The following N4BP2 variants were observed in gnomAD, a reference collection of about 807,000 sequenced individuals.
The protein encoded by N4BP2 is NEDD4-binding protein 2.
Under a neutral mutation model 152.8 loss-of-function variants are expected in N4BP2, and 91 were observed. The observed-to-expected ratio is 0.60, with a 90% CI of 0.50 to 0.71. The LOEUF (loss-of-function observed/expected upper bound fraction) is 0.71, where lower values mean the gene tolerates loss of function less well. Among genes scored for constraint, N4BP2 ranks in the 30% least tolerant of loss-of-function variants. N4BP2 has a pLI of 0.00. For synonymous variants in N4BP2, 646 were observed against 705.3 expected, an observed-to-expected ratio of 0.92 and a Z score of 1.33; for missense variants, 1,923 against 2,059.1, an observed-to-expected ratio of 0.93 and a Z score of 1.28.
In N4BP2 at chr4:40,154,211, G is replaced by A. The variant is rs765372011; in HGVS notation, c.5287G>A (p.Gly1763Arg). The change falls in exon 18 of 18, where the codon GGG (glycine) becomes AGG (arginine). Residue 1763 changes from glycine (G) to arginine (R), a missense_variant. Gly to Arg is a moderately radical substitution (Grantham distance 125, BLOSUM62 -2). Coordinates refer to ENST00000261435, the MANE Select transcript of N4BP2 (RefSeq NM_018177.6). ...HSFRFSEIKPGCLKVMLK is the reference protein window; with the variant it reads ...HSFRFSEIKPRCLKVMLK ...CTGCAGGTTCTCTGAAATTAAACCAGGGTGCTTGAAAGTCATGCTAAAGTA... is the reference window on the plus strand; with the variant it reads ...CTGCAGGTTCTCTGAAATTAAACCAAGGTGCTTGAAAGTCATGCTAAAGTA... The A allele has an allele frequency of 4.4e-6, 7 of 1,602,134 alleles. No individual in the cohort carries two copies. The highest frequency in any genetic ancestry group is 6.0e-6 in the Non-Finnish European group (7 of 1,175,250).
intron 4 of N4BP2, among the ~76,000 whole-genome samples, chr4:40,104,936 C>T (rs112837896): frequency 0.019 from 2,823 of 151,680 alleles, 35 homozygotes; most frequent in Non-Finnish European, 0.028. Flanking sequence ...TCCGGAGTAG[C>T]GGGACTACAG....
At chr4:40,167,120 T>G in the N4BP2 span, 1 of 152,214 alleles carries the variant, frequency 6.6e-6, no homozygotes, top group Non-Finnish European at 1.5e-5. Flanking sequence ...ATTGACCTGG[T>G]GTTTGTGGTG....
chr4:40,079,641 A>G (rs1373123844), intron 2 of N4BP2, among the ~76,000 whole-genome samples: 2 of 152,182 alleles, frequency 1.3e-5, no homozygotes, highest in Non-Finnish European at 2.9e-5. Flanking sequence ...TATTAAAAGA[A>G]AAACAAAAAA....
intron 5 of N4BP2, among the ~76,000 whole-genome samples, chr4:40,111,452 T>G (rs998067264): frequency 6.6e-6 from 1 of 151,682 alleles, no homozygotes; most frequent in Admixed American, 6.6e-5. Flanking sequence ...TCCCAAGTAG[T>G]TGGGACTACA....
chr4:40,136,562 T>C (rs752951711), intron 13 of N4BP2, among the ~76,000 whole-genome samples: 8 of 152,032 alleles, frequency 5.3e-5, no homozygotes, highest in Non-Finnish European at 1.2e-4. Context: ...AATTTTTGGG[T>C]TTTTTGTAGA....
At chr4:40,080,910 C>T (rs1302465015) in intron 2 of N4BP2, among the ~76,000 whole-genome samples, 1 of 151,264 alleles carries the variant, frequency 6.6e-6, no homozygotes, top group African/African-American at 2.4e-5. Flanking sequence ...TCGTGATCCG[C>T]CCACCTCAGC....
intron 5 of N4BP2, among the ~76,000 whole-genome samples, chr4:40,108,320 C>CTT (rs202172201): frequency 6.8e-6 from 1 of 147,022 alleles, no homozygotes. Context: ...TTGGTTTACT[C>CTT]TTTTTTTTTT....
rs1016226732 is a variant in N4BP2, at chr4:40,102,761, G to A, written c.916G>A (p.Gly306Ser). The change falls in exon 4 of 18, where the codon GGT becomes AGT. Residue 306 changes from glycine (G) to serine (S), a missense_variant. Coordinates refer to ENST00000261435, the MANE Select transcript of N4BP2 (RefSeq NM_018177.6). ...NLPGLDLPGTGGDQKSTRVSD... is the reference protein window; with the variant it reads ...NLPGLDLPGTSGDQKSTRVSD... ...TCCAGGGCTTGATTTACCAGGTACAGGTGGGGATCAGAAATCTACTCGGGT... is the reference window on the plus strand; with the variant it reads ...TCCAGGGCTTGATTTACCAGGTACAAGTGGGGATCAGAAATCTACTCGGGT... 1 of 1,614,036 alleles carries A rather than the reference G, an allele frequency of 6.2e-7. No homozygotes were observed. Among genetic ancestry groups the A allele is most frequent in the African/African-American group, 1.3e-5 (1 of 74,914 alleles).
intron 13 of N4BP2, among the ~76,000 whole-genome samples, chr4:40,134,037 A>C (rs1347809327): frequency 1.3e-5 from 2 of 151,960 alleles, no homozygotes; most frequent in Non-Finnish European, 2.9e-5. Flanking sequence ...TGAACTCCTG[A>C]GCTCAAGGGA....
At chr4:40,075,376 C>T (rs1712626950) in intron 2 of N4BP2, among the ~76,000 whole-genome samples, 1 of 152,110 alleles carries the variant, frequency 6.6e-6, no homozygotes, top group Non-Finnish European at 1.5e-5. Context: ...AGAGGTCTAT[C>T]CAGTTTTTAC....
the N4BP2 span, among the ~76,000 whole-genome samples, chr4:40,182,997 TA>T: frequency 1.3e-5 from 2 of 152,130 alleles, no homozygotes; most frequent in Admixed American, 1.3e-4. Flanking sequence ...TTTTTTAATA[TA>T]AAAATTGTGT....
Position 40,142,351 on chromosome 4 carries a change from T to C in N4BP2, c.4786-322T>C, listed in dbSNP as rs1579130244. On this transcript the variant is annotated intron_variant, in intron 14 of 17. Coordinates refer to ENST00000261435, the MANE Select transcript of N4BP2 (RefSeq NM_018177.6). ...AGTTGGGCTGGGGGTGACTGGGTGG[T>C]GGTTTTACCTCCATTTTGAGACTGA... 6.5e-6 allele frequency: 2 copies of C among 307,604 alleles called. 1 individual carries two copies. The highest frequency in any genetic ancestry group is 7.5e-5 in the South Asian group (2 of 26,744). 19.1% of individuals were successfully genotyped at this position (307,604 alleles called of 1,614,324 possible). A position where few individuals can be genotyped will look rare whatever the true frequency, so the allele number is the denominator to read the frequency against.
intron 11 of N4BP2, 102 bp downstream of exon 11, chr4:40,124,307 A>G (rs947599256): frequency 3.0e-6 from 2 of 674,944 alleles, no homozygotes; most frequent in African/African-American, 1.8e-5. Context: ...TACGGTACCC[A>G]CAAATTTTGA....
Position 40,157,127 on chromosome 4 carries a change from G to A in N4BP2, c.*2890G>A, listed in dbSNP as rs1445137897. The A allele has an allele frequency of 6.6e-6, 1 of 152,064 alleles. No individual in the cohort carries two copies. The highest frequency in any genetic ancestry group is 2.4e-5 in the African/African-American group (1 of 41,418). The allele number at this position is 152,064 out of a possible 1,614,324, so 9.4% of individuals were successfully genotyped here. On this transcript the variant is annotated 3_prime_UTR_variant, in exon 18 of 18. Transcript: ENST00000261435. ...ATGTGGAAACCCCAGAGGGTGTCCA[G>A]TTGGACCAGGGAGATATTAGACACT...
At chr4:40,122,882 C>A (rs911806185) in intron 9 of N4BP2, among the ~76,000 whole-genome samples, 1 of 152,086 alleles carries the variant, frequency 6.6e-6, no homozygotes, top group Non-Finnish European at 1.5e-5. Flanking sequence ...CATATTTAGA[C>A]TCATGGAAAG....
chr4:40,130,025 C>T (rs982136213), intron 12 of N4BP2, among the ~76,000 whole-genome samples: 11 of 152,004 alleles, frequency 7.2e-5, no homozygotes, highest in Admixed American at 7.2e-4. Flanking sequence ...ACATGCATAT[C>T]TTAAGTAAAA....
intron 7 of N4BP2, among the ~76,000 whole-genome samples, chr4:40,115,299 C>T (rs922313551): frequency 6.6e-6 from 1 of 152,142 alleles, no homozygotes; most frequent in Non-Finnish European, 1.5e-5. Context: ...GAGTTTGAGA[C>T]TAGTCTGGGC....
rs1377980412 is a variant in N4BP2 at position 40,137,092 on chromosome 4, T to TA, written c.4785+11dup. ...GTCTAAAGAGAAAAAGGTATGGAGT[T>TA]ACTAATTTTTTTTCTACAAGGGTAG... On this transcript the variant is annotated intron_variant, in intron 14 of 17. Coordinates refer to ENST00000261435, the MANE Select transcript of N4BP2 (RefSeq NM_018177.6). 3.0e-5 allele frequency: 47 copies of TA among 1,592,290 alleles called. No homozygotes were observed. The highest frequency in any genetic ancestry group is 3.8e-5 in the Non-Finnish European group (44 of 1,169,978).
rs200908656 is a variant in N4BP2 at position 40,126,173 on chromosome 4, A to C, written c.4370A>C (p.Glu1457Ala). 2 of 1,606,316 alleles carry C rather than the reference A, an allele frequency of 1.2e-6. No homozygotes were observed. The highest frequency in any genetic ancestry group is 2.7e-5 in the African/African-American group (2 of 74,596). The change falls in exon 12 of 18, where the codon GAA becomes GCA. Residue 1457 changes from glutamate to alanine, a missense_variant. Physicochemically the swap from Glu to Ala is moderately radical, Grantham distance 107 (BLOSUM62 -1). Coordinates refer to ENST00000261435, the MANE Select transcript of N4BP2 (RefSeq NM_018177.6). Reference protein sequence around the residue: ...LVGHTGLDNPEQKSSQRTGKK... With the variant: ...LVGHTGLDNPAQKSSQRTGKK... ...GGACATACTGGGCTTGATAATCCTG[A>C]ACAAAAATCATCTCAGAGAACAGGC... is the stretch of plus-strand genomic sequence containing the variant.
Sources: allele counts gnomAD v4.1 joint callset (sites outside exome capture counted in the v4.1 genomes callset), GRCh38; gene constraint gnomAD v4.1.1; transcripts MANE v1.5; gene names NCBI Gene and HGNC (gene_info 2026-07-23, HGNC 2026-07-21).